PTPN7: variants seen among roughly 807,000 people sequenced by gnomAD.
PTPN7 encodes the protein tyrosine-protein phosphatase non-receptor type 7.
Under a neutral mutation model 50.3 loss-of-function variants are expected in PTPN7, and 33 were observed. That is an observed-to-expected ratio of 0.66 (90% CI 0.50 to 0.88). The LOEUF (loss-of-function observed/expected upper bound fraction) is 0.88, where lower values mean the gene tolerates loss of function less well. Ranked by LOEUF, PTPN7 falls within the 40% of genes least tolerant of loss-of-function variation. PTPN7 has a pLI of 0.00. For missense variants in PTPN7, 412 were observed against 475.4 expected, an observed-to-expected ratio of 0.87 and a Z score of 1.24; for synonymous variants, 185 against 186.6, an observed-to-expected ratio of 0.99 and a Z score of 0.07.
intron 8 of PTPN7, 84 bp downstream of exon 8, chr1:202,152,458 G>C (rs1571742509): frequency 1.4e-6 from 2 of 1,476,740 alleles, no homozygotes; most frequent in East Asian, 4.7e-5. Context: ...ATGCTTTTCT[G>C]CTCAGACCCT....
intron 2 of PTPN7, chr1:202,158,504 GTACA>G: frequency 1.9e-6 from 1 of 540,440 alleles, no homozygotes; most frequent in Non-Finnish European, 3.2e-6. Context: ...GGGACCACAG[GTACA>G]TGCTACCACA....
At position 202,155,579 on chromosome 1, in the gene PTPN7, G is replaced by A; in HGVS notation, c.422C>T (p.Ala141Val). The A allele has an allele frequency of 6.4e-7, 1 of 1,573,926 alleles. No individual in the cohort carries two copies. Among genetic ancestry groups the A allele is most frequent in the South Asian group, 1.1e-5 (1 of 90,242 alleles). The part of the protein sequence containing the change: ...NPQSRVCLGR[A>V]QSQEDGDYIN... The stretch of plus-strand genomic sequence containing the variant: ...GTAATCTCCGTCCTCCTGGCTCTGT[G>A]CCCGGCCTAGACAGACACGGCTCTG... The change falls in exon 5 of 10, where the codon GCA (alanine) becomes GTA (valine). Residue 141 changes from alanine to valine, a missense_variant. By Grantham distance (64) the Ala-to-Val change is moderately conservative. Coordinates refer to ENST00000691036, the MANE Select transcript of PTPN7 (RefSeq NM_002832.4).
Position 202,158,550 on chromosome 1 carries a change from A to C in PTPN7, c.123-249T>G, listed in dbSNP as rs963491215. 380 of 412,164 alleles carry C rather than the reference A, an allele frequency of 9.2e-4. 3 individuals are homozygous for C. Among genetic ancestry groups the C allele is most frequent in the African/African-American group, 7.5e-3 (348 of 46,452 alleles). The allele number at this position is 412,164 out of a possible 1,614,324, so 25.5% of individuals were successfully genotyped here. On this transcript the variant is annotated intron_variant, in intron 2 of 9. Transcript: ENST00000691036. ...TAATTTAAGTTTTTTTTTTTTTTGGAGAGACAGTGTCTTGTTCTGTTGCTC... is the reference window on the plus strand; with the variant it reads ...TAATTTAAGTTTTTTTTTTTTTTGGCGAGACAGTGTCTTGTTCTGTTGCTC...
At chr1:202,153,084 C>T (rs1656226023) in intron 7 of PTPN7, among the ~76,000 whole-genome samples, 1 of 152,180 alleles carries the variant, frequency 6.6e-6, no homozygotes, top group South Asian at 2.1e-4. Flanking sequence ...ATATAAAACA[C>T]CATAAAATAA....
chr1:202,160,847 T>A, upstream of PTPN7: 3 of 1,504,672 alleles, frequency 2.0e-6, no homozygotes, highest in Non-Finnish European at 2.7e-6. The surrounding 1 kb of genome is among the most constrained non-coding windows in gnomAD (Gnocchi z 4.8). Context: ...CCCTCTTCTG[T>A]GTTTCTCCTC....
chr1:202,160,081 C>A lies in PTPN7; in HGVS notation c.-53+464G>T. 1.4e-6 allele frequency: 1 copy of A among 728,108 alleles called. No individual in the cohort carries two copies. The allele number at this position is 728,108 out of a possible 1,614,324, so 45.1% of individuals were successfully genotyped here. A position where few individuals can be genotyped will look rare whatever the true frequency, so the allele number is the denominator to read the frequency against. On this transcript the variant is annotated intron_variant, in intron 1 of 9. Transcript: ENST00000691036. The surrounding 1 kb of genome is among the most constrained non-coding windows in gnomAD (Gnocchi z 4.8). Reference sequence around the variant, plus strand: ...CCGTCTCCCGCCTCTGTAACCGTCACAGGAAATGGCCTCACCAAGCCCTTG... The same window carrying A: ...CCGTCTCCCGCCTCTGTAACCGTCAAAGGAAATGGCCTCACCAAGCCCTTG...
rs1212465150 is a variant in PTPN7, at chr1:202,159,799, A to G, written c.-52-345T>C. Reference sequence around the variant, plus strand: ...GAAGGCAAGGGAGGAAACAGAAAATATGTGTTCTCTAGGACGGAAGGGAGA... The same window carrying G: ...GAAGGCAAGGGAGGAAACAGAAAATGTGTGTTCTCTAGGACGGAAGGGAGA... On this transcript the variant is annotated intron_variant, in intron 1 of 9. Coordinates refer to ENST00000691036, the MANE Select transcript of PTPN7 (RefSeq NM_002832.4). The surrounding 1 kb of genome is among the most constrained non-coding windows in gnomAD (Gnocchi z 4.6). The G allele has an allele frequency of 1.0e-5, 12 of 1,195,140 alleles. No individual in the cohort carries two copies. In the African/African-American group the frequency reaches 1.6e-4, roughly 16 times the overall value. The allele number at this position is 1,195,140 out of a possible 1,614,324, so 74.0% of individuals were successfully genotyped here.
rs1657087654 is a variant in PTPN7, at chr1:202,159,388, A to G, written c.15T>C (p.His5=). ...ACGGCTGTGCTCTGGAGCGCCCCCC[A>G]TGGGCTTGGACCATGCTGAGGTGGG... MVQA[H]GGRSRAQPLT... is the part of the protein sequence containing the mutation. Residue 5 remains histidine (H), a synonymous_variant, in exon 2 of 10, where the codon CAT becomes CAC. Transcript: ENST00000691036. This position sits in a 1 kb window ranked among gnomAD's most constrained non-coding sequence, Gnocchi z 4.6. 7 of 1,614,120 alleles carry G rather than the reference A, an allele frequency of 4.3e-6. No homozygotes were observed. In the East Asian group the frequency reaches 1.1e-4, roughly 26 times the overall value.
chr1:202,159,977 C>T lies in PTPN7; in HGVS notation c.-52-523G>A. The T allele has an allele frequency of 1.0e-6, 1 of 1,000,390 alleles. No homozygotes were observed. Among genetic ancestry groups the T allele is most frequent in the Non-Finnish European group, 1.2e-6 (1 of 839,426 alleles). 62.0% of individuals were successfully genotyped at this position (1,000,390 alleles called of 1,614,324 possible). ...CTCCTAACTGCTGCTGTTCCACTCC[C>T]AGGTCTGTTTCTGGCTTCTGGGGTC... On this transcript the variant is annotated intron_variant, in intron 1 of 9. Coordinates refer to ENST00000691036, the MANE Select transcript of PTPN7 (RefSeq NM_002832.4). This position sits in a 1 kb window ranked among gnomAD's most constrained non-coding sequence, Gnocchi z 4.6.
intron 9 of PTPN7, among the ~76,000 whole-genome samples, chr1:202,148,947 C>T (rs986106441): frequency 2.0e-5 from 3 of 149,892 alleles, no homozygotes; most frequent in Non-Finnish European, 3.0e-5. Flanking sequence ...CCTCTGCCTC[C>T]CAGGTTCAAG....
rs1313608175 is a variant in PTPN7, at chr1:202,159,684, A to G, written c.-52-230T>C. 7.2e-6 allele frequency: 10 copies of G among 1,381,486 alleles called. No individual in the cohort carries two copies. The highest frequency in any genetic ancestry group is 3.8e-5 in the South Asian group (2 of 53,046). The allele number at this position is 1,381,486 out of a possible 1,614,324, so 85.6% of individuals were successfully genotyped here. ...GATAAAGGGTAGAGATTGTGGATGA[A>G]GATAGGAAAGAATCCAGAAGGAGGA... On this transcript the variant is annotated intron_variant, in intron 1 of 9. Coordinates refer to ENST00000691036, the MANE Select transcript of PTPN7 (RefSeq NM_002832.4). This position sits in a 1 kb window ranked among gnomAD's most constrained non-coding sequence, Gnocchi z 4.6.
chr1:202,154,966 C>A (rs1193353979), intron 5 of PTPN7, among the ~76,000 whole-genome samples: 1 of 152,180 alleles, frequency 6.6e-6, no homozygotes, highest in Non-Finnish European at 1.5e-5. Context: ...GAGCTTTTCG[C>A]CTCCCTGCGC....
rs568855390 is a variant in PTPN7, at chr1:202,154,457, C to T, written c.469-134G>A. On this transcript the variant is annotated intron_variant, in intron 5 of 9. Coordinates refer to ENST00000691036, the MANE Select transcript of PTPN7 (RefSeq NM_002832.4). Reference sequence around the variant, plus strand: ...GTGTAGACGTACACATGCACGAACACGCACACTCAGAAGCCACATGATGGA... The same window carrying T: ...GTGTAGACGTACACATGCACGAACATGCACACTCAGAAGCCACATGATGGA... The T allele has an allele frequency of 1.6e-3, 1,617 of 1,022,978 alleles. 1 individual carries two copies. The highest frequency in any genetic ancestry group is 1.8e-3 in the Admixed American group (63 of 34,734). 63.4% of individuals were successfully genotyped at this position (1,022,978 alleles called of 1,614,324 possible).
chr1:202,157,623 G>A (rs1656822375), intron 4 of PTPN7, 116 bp downstream of exon 4: 3 of 915,640 alleles, frequency 3.3e-6, no homozygotes, highest in Admixed American at 2.3e-5. Flanking sequence ...TCTGCTGAGA[G>A]AAGATGTGCC....
intron 4 of PTPN7, among the ~76,000 whole-genome samples, chr1:202,157,158 T>C (rs1377928035): frequency 6.6e-6 from 1 of 152,196 alleles, no homozygotes; most frequent in Non-Finnish European, 1.5e-5. Context: ...GTTTCCTCAC[T>C]TGTAAAATGG....
rs184778117 is a variant in PTPN7 at position 202,153,197 on chromosome 1, C to T, written c.718-498G>A. On this transcript the variant is annotated intron_variant, in intron 7 of 9. Coordinates refer to ENST00000691036, the MANE Select transcript of PTPN7 (RefSeq NM_002832.4). ...TTTTTTGAGACAGACAGTCTCACTC[C>T]GTCACCCAGGCTGGAGTGCAGTAGC... Among the ~76,000 whole-genome samples, 31 of 152,144 alleles carry T rather than the reference C, an allele frequency of 2.0e-4. No individual in the cohort carries two copies. In the East Asian group the frequency reaches 4.2e-3, roughly 21 times the overall value.
chr1:202,156,718 C>T (rs948954144), intron 4 of PTPN7, among the ~76,000 whole-genome samples: 9 of 152,180 alleles, frequency 5.9e-5, no homozygotes, highest in Non-Finnish European at 1.0e-4. Flanking sequence ...GCACCTTGAT[C>T]CGCCCATGCA....
chr1:202,155,050 C>G (rs754680137), intron 5 of PTPN7, among the ~76,000 whole-genome samples: 5 of 152,186 alleles, frequency 3.3e-5, no homozygotes, highest in Non-Finnish European at 7.3e-5. Context: ...CCCACAGCAG[C>G]GAGAAGCTGG....
Position 202,150,418 on chromosome 1 carries a change from C to A in PTPN7, c.882G>T (p.Gly294=). The change falls in exon 9 of 10, where the codon GGG becomes GGT. Residue 294 remains glycine, a synonymous_variant. Coordinates refer to ENST00000691036, the MANE Select transcript of PTPN7 (RefSeq NM_002832.4). ...PGPIVVHCSA[G]IGRTGCFIAT... ...CGATGAAGCAGCCCGTCCGGCCAAT[C>A]CCTGCACTGGAGATAGCCAGGGAGG... 3 of 1,607,152 alleles carry A rather than the reference C, an allele frequency of 1.9e-6. No homozygotes were observed. The highest frequency in any genetic ancestry group is 2.5e-6 in the Non-Finnish European group (3 of 1,176,552).
Sources: gnomAD v4.1 joint callset for allele counts (sites outside exome capture counted in the v4.1 genomes callset) on GRCh38, gnomAD v4.1.1 for gene constraint, Gnocchi (gnomAD v3.1) non-coding constraint, MANE v1.5 for transcripts, NCBI Gene and HGNC (gene_info 2026-07-23, HGNC 2026-07-21) for gene names.